The following SLC1A6 variants were observed in gnomAD, a reference collection of about 807,000 sequenced individuals.
The protein encoded by SLC1A6 is solute carrier family 1 member 6.
In SLC1A6, 15 loss-of-function variants were observed where a neutral mutation model predicts 42.1. That is an observed-to-expected ratio of 0.36 (90% CI 0.24 to 0.55). The LOEUF (loss-of-function observed/expected upper bound fraction) is 0.55, where lower values mean the gene tolerates loss of function less well. Among genes scored for constraint, SLC1A6 ranks in the 20% least tolerant of loss-of-function variants. The probability of loss-of-function intolerance (pLI) is 0.88; values close to 1 mark genes in which losing one functional copy is unlikely to be tolerated. For missense variants in SLC1A6, 542 were observed against 772.5 expected (o/e 0.70, Z 3.54); for synonymous variants, 317 against 319.7 (o/e 0.99, Z 0.09).
intron 1 of SLC1A6, among the ~76,000 whole-genome samples, chr19:14,994,041 C>G (rs1251870434): frequency 6.6e-6 from 1 of 152,136 alleles, no homozygotes; most frequent in Non-Finnish European, 1.5e-5. Flanking sequence ...CTCTCAACCC[C>G]AGATAAGCCC....
At chr19:14,962,557 G>A (rs564031154) in intron 5 of SLC1A6, among the ~76,000 whole-genome samples, 11 of 152,220 alleles carry the variant, frequency 7.2e-5, no homozygotes, top group South Asian at 2.1e-4. Context: ...AAGAATGAGC[G>A]AATGAATCAG....
chr19:14,956,207 G>A (rs1328220118), intron 7 of SLC1A6, among the ~76,000 whole-genome samples: 1 of 152,072 alleles, frequency 6.6e-6, no homozygotes, highest in East Asian at 1.9e-4. Context: ...GAGCTCATGG[G>A]GCATCCTGGA....
intron 1 of SLC1A6, among the ~76,000 whole-genome samples, chr19:15,007,006 T>G (rs531573919): frequency 1.3e-5 from 2 of 152,036 alleles, no homozygotes; most frequent in Admixed American, 1.3e-4. Context: ...CACTTACGTA[T>G]TCCTCTAATA....
At chr19:14,954,437 G>A in intron 7 of SLC1A6, 108 bp from the exon 8 acceptor site, 1 of 988,938 alleles carries the variant, frequency 1.0e-6, no homozygotes, top group Non-Finnish European at 1.5e-6. Context: ...CGTGGCCGAA[G>A]AAAGGCTGGG....
At chr19:15,006,798 A>T (rs2045898065) in intron 1 of SLC1A6, among the ~76,000 whole-genome samples, 1 of 151,776 alleles carries the variant, frequency 6.6e-6, no homozygotes, top group Non-Finnish European at 1.5e-5. Context: ...AAGAAAATTT[A>T]AAAATAAGCT....
intron 8 of SLC1A6, among the ~76,000 whole-genome samples, chr19:14,953,805 G>A (rs1487071412): frequency 6.6e-6 from 1 of 152,150 alleles, no homozygotes; most frequent in African/African-American, 2.4e-5. Context: ...ATAAATAAAT[G>A]TATAGAGCCT....
At chr19:14,975,343 G>A (rs2045692386) in intron 1 of SLC1A6, 1 of 133,714 alleles carries the variant, frequency 7.5e-6, no homozygotes, top group African/African-American at 2.9e-5. Context: ...TGAGATGATG[G>A]ATGTGCTAAT....
chr19:14,964,380 A>C lies in SLC1A6; in HGVS notation c.549-19T>G. On this transcript the variant is annotated intron_variant, in intron 4 of 9. Transcript: ENST00000594383. The stretch of plus-strand genomic sequence containing the variant: ...CATATTTCTGCAGAAAAACATGAGA[A>C]GAAGGAAAGTGGTTAGACCATGGAA... The C allele has an allele frequency of 6.2e-7, 1 of 1,612,454 alleles. No homozygotes were observed. The highest frequency in any genetic ancestry group is 8.5e-7 in the Non-Finnish European group (1 of 1,178,514).
At chr19:15,008,030 CCA>C (rs144415151) in intron 1 of SLC1A6, among the ~76,000 whole-genome samples, 30,289 of 130,778 alleles carry the variant, frequency 0.23, 3,789 homozygotes, top group East Asian at 0.55. Flanking sequence ...TGCCCCCCCC[CCA>C]AAAAAAAACC....
At position 14,950,282 on chromosome 19, in the gene SLC1A6, G is replaced by T; in HGVS notation, c.1608C>A (p.Leu536=). The T allele has an allele frequency of 6.2e-7, 1 of 1,612,328 alleles. No homozygotes were observed. Among genetic ancestry groups the T allele is most frequent in the Non-Finnish European group, 8.5e-7 (1 of 1,179,032 alleles). Residue 536 remains leucine, a synonymous_variant, in exon 10 of 10, where the codon CTC becomes CTA. Transcript: ENST00000594383. ...ELELQEAELT[L]PSLGKPYKSL... ...ACTTGTAGGGTTTCCCCAGGCTGGG[G>T]AGGGTAAGCTCAGCTTCCTGAAGCT...
At chr19:14,970,637 G>A (rs1455087543) in intron 3 of SLC1A6, among the ~76,000 whole-genome samples, 1 of 152,004 alleles carries the variant, frequency 6.6e-6, no homozygotes, top group East Asian at 1.9e-4. Flanking sequence ...CATGAACCCA[G>A]GAGGCGGTGC....
chr19:14,990,861 G>A (rs2045816844), intron 1 of SLC1A6, among the ~76,000 whole-genome samples: 1 of 151,856 alleles, frequency 6.6e-6, no homozygotes, highest in South Asian at 2.1e-4. Context: ...ACAATACAGT[G>A]TATTCTAGAC....
chr19:14,993,094 A>C (rs750193940), intron 1 of SLC1A6, among the ~76,000 whole-genome samples: 2 of 152,104 alleles, frequency 1.3e-5, no homozygotes, highest in Non-Finnish European at 2.9e-5. Flanking sequence ...TCATTACCAG[A>C]GTGGCCTGAT....
chr19:14,973,165 C>T, intron 1 of SLC1A6: 3 of 508,512 alleles, frequency 5.9e-6, no homozygotes, highest in Non-Finnish European at 1.0e-5. Flanking sequence ...ATTTGGGAGG[C>T]TGAGGCAGGA....
At chr19:14,963,063 C>G (rs2045533548) in intron 5 of SLC1A6, among the ~76,000 whole-genome samples, 1 of 152,124 alleles carries the variant, frequency 6.6e-6, no homozygotes, top group South Asian at 2.1e-4. Flanking sequence ...AAGTATCCAT[C>G]AGTGAATGAA....
At chr19:14,955,852 T>A (rs4511655) in intron 7 of SLC1A6, among the ~76,000 whole-genome samples, 1 of 151,286 alleles carries the variant, frequency 6.6e-6, no homozygotes, top group African/African-American at 2.4e-5. Context: ...GGAGAATCAC[T>A]TGAACCTAAG....
At chr19:14,970,318 G>A (rs1249619822) in intron 3 of SLC1A6, among the ~76,000 whole-genome samples, 1 of 151,946 alleles carries the variant, frequency 6.6e-6, no homozygotes, top group Non-Finnish European at 1.5e-5. Flanking sequence ...CAATTCTCCT[G>A]CCTCAACCTC....
intron 1 of SLC1A6, among the ~76,000 whole-genome samples, chr19:15,003,660 C>CAAAAAAAAAAAAAA (rs371118940): frequency 8.2e-6 from 1 of 121,976 alleles, no homozygotes; most frequent in African/African-American, 3.1e-5. Context: ...CATGTAATGC[C>CAAAAAAAAAAAAAA]AAAAAAAAAA....
chr19:14,981,127 T>A (rs2045764915), upstream of SLC1A6, among the ~76,000 whole-genome samples: 1 of 144,246 alleles, frequency 6.9e-6, no homozygotes, highest in Non-Finnish European at 1.5e-5. Context: ...ACTCTGTCTC[T>A]ATTTAAAAAA....
Sources: gnomAD v4.1 joint callset for allele counts (sites outside exome capture counted in the v4.1 genomes callset) on GRCh38, gnomAD v4.1.1 for gene constraint, MANE v1.5 for transcripts, NCBI Gene and HGNC (gene_info 2026-07-23, HGNC 2026-07-21) for gene names.